STIP1: variants seen among roughly 807,000 people sequenced by gnomAD.
STIP1 encodes stress-induced-phosphoprotein 1.
STIP1 carries 16 observed loss-of-function variants against 77.4 expected under a neutral mutation model. That is an observed-to-expected ratio of 0.21 (90% CI 0.14 to 0.31). STIP1 has a LOEUF of 0.31. Among genes scored for constraint, STIP1 ranks in the 10% least tolerant of loss-of-function variants. The pLI is 1.00. For missense variants in STIP1, 524 were observed against 684.8 expected, an observed-to-expected ratio of 0.77 and a Z score of 2.62; for synonymous variants, 258 against 246.6, an observed-to-expected ratio of 1.05 and a Z score of -0.44.
chr11:64,195,516 T>A, intron 4 of STIP1, 129 bp from the exon 5 acceptor site: 1 of 891,958 alleles, frequency 1.1e-6, no homozygotes, highest in Non-Finnish European at 1.7e-6. Context: ...GTGCAAAATC[T>A]AGCCATCTTT....
chr11:64,189,872 T>A (rs931706155), intron 1 of STIP1, among the ~76,000 whole-genome samples: 1 of 152,104 alleles, frequency 6.6e-6, no homozygotes, highest in Non-Finnish European at 1.5e-5. Context: ...CTGGCCTCCA[T>A]CTTGGGCTCT....
rs746434111 is a variant in STIP1, at chr11:64,194,298, A to G, written c.329A>G (p.Glu110Gly). 2 of 1,614,168 alleles carry G rather than the reference A, an allele frequency of 1.2e-6. No individual in the cohort carries two copies. Among genetic ancestry groups the G allele is most frequent in the East Asian group, 2.2e-5 (1 of 44,886 alleles). ...GAGGCAAATAACCCTCAACTGAAAG[A>G]GGGTTTACAGAATATGGAGGCCAGG... ...KHEANNPQLKEGLQNMEARLA... is the reference protein window; with the variant it reads ...KHEANNPQLKGGLQNMEARLA... Residue 110 changes from glutamate (E) to glycine (G), a missense_variant, in exon 3 of 14, where the codon GAG (glutamate) becomes GGG (glycine). By Grantham distance (98) the Glu-to-Gly change is moderately conservative. Coordinates refer to ENST00000305218, the MANE Select transcript of STIP1 (RefSeq NM_006819.3).
intron 1 of STIP1, among the ~76,000 whole-genome samples, chr11:64,192,641 G>A (rs1260782639): frequency 3.3e-5 from 5 of 152,200 alleles, no homozygotes; most frequent in Admixed American, 3.3e-4. Flanking sequence ...CAGCCTTTGG[G>A]TCACTGGAGC....
Position 64,204,340 on chromosome 11 carries a change from G to A in STIP1, c.*214G>A, listed in dbSNP as rs376874769. On this transcript the variant is annotated 3_prime_UTR_variant, in exon 14 of 14. Transcript: ENST00000305218. Reference sequence around the variant, plus strand: ...CCAGCACACGCATGGTCTCTTCACCGCTGCCCTCGAGTTCCATGTCTCTTT... The same window carrying A: ...CCAGCACACGCATGGTCTCTTCACCACTGCCCTCGAGTTCCATGTCTCTTT... The A allele has an allele frequency of 1.2e-4, 66 of 536,588 alleles. No individual in the cohort carries two copies. The highest frequency in any genetic ancestry group is 6.0e-4 in the East Asian group (19 of 31,462). The allele number at this position is 536,588 out of a possible 1,614,324, so 33.2% of individuals were successfully genotyped here. A position where few individuals can be genotyped will look rare whatever the true frequency, so the allele number is the denominator to read the frequency against.
At chr11:64,188,004 C>T (rs1216523008) in intron 1 of STIP1, among the ~76,000 whole-genome samples, 3 of 147,206 alleles carry the variant, frequency 2.0e-5, no homozygotes, top group South Asian at 4.5e-4. Context: ...CTCCGTCTCC[C>T]TCCAGCCTGG....
chr11:64,203,269 T>C lies in STIP1; in HGVS notation c.1386+41T>C, dbSNP rs558857431. ...GCCTCCAGGGGCCCCCCCTGCCTCT[T>C]TCTCTGTTGGGGCTTTTCCATGTTC... On this transcript the variant is annotated intron_variant, in intron 12 of 13. Coordinates refer to ENST00000305218, the MANE Select transcript of STIP1 (RefSeq NM_006819.3). 308 of 1,606,806 alleles carry C rather than the reference T, an allele frequency of 1.9e-4. 2 individuals carry two copies. The South Asian group carries it at 2.6e-3, about 13-fold the overall frequency.
At chr11:64,197,211 G>A in intron 5 of STIP1, 60 bp from the exon 6 acceptor site, 1 of 1,602,950 alleles carries the variant, frequency 6.2e-7, no homozygotes, top group South Asian at 1.1e-5. Context: ...ACAGATCATA[G>A]ATTCTTGCTT....
At chr11:64,185,926 C>G (rs1291652721), upstream of STIP1, 1 of 1,536,368 alleles carries the variant, frequency 6.5e-7, no homozygotes, top group Admixed American at 2.0e-5. Context: ...AAAGACCAAT[C>G]CGTGTCGCAG....
intron 1 of STIP1, among the ~76,000 whole-genome samples, chr11:64,191,437 C>A (rs961411385): frequency 2.8e-5 from 4 of 141,050 alleles, no homozygotes; most frequent in African/African-American, 1.3e-4. Context: ...GAAACTCCAT[C>A]TCTACTAAAA....
upstream of STIP1, chr11:64,185,645 C>A (rs916651562): frequency 9.8e-6 from 8 of 814,192 alleles, 1 homozygote; most frequent in Non-Finnish European, 1.5e-5. Context: ...GAAAGCAACC[C>A]AGAGGCCCCG....
intron 1 of STIP1, chr11:64,186,641 C>T (rs1421942578): frequency 2.4e-5 from 3 of 123,494 alleles, no homozygotes; most frequent in Non-Finnish European, 3.5e-5. Context: ...GGAGGTGGGC[C>T]GGGGGCCGGG....
chr11:64,186,341 GGGC>G, intron 1 of STIP1, 71 bp downstream of exon 1: 3 of 1,281,892 alleles, frequency 2.3e-6, no homozygotes, highest in Admixed American at 2.7e-5. Context: ...CGCGGTAGGG[GGGC>G]GGGGCGGGCG....
intron 8 of STIP1, 131 bp from the exon 9 acceptor site, chr11:64,199,809 C>T (rs373185478): frequency 4.8e-5 from 43 of 904,686 alleles, no homozygotes; most frequent in Admixed American, 1.5e-4. Context: ...GTGATCCACC[C>T]GCCTCGGCCT....
At chr11:64,186,839 C>G (rs933679387) in intron 1 of STIP1, among the ~76,000 whole-genome samples, 1 of 152,184 alleles carries the variant, frequency 6.6e-6, no homozygotes, top group Non-Finnish European at 1.5e-5. Context: ...CTGAGAAGGT[C>G]AGGGTGGGAG....
chr11:64,199,060 C>T (rs1309707817), intron 8 of STIP1, among the ~76,000 whole-genome samples: 1 of 151,100 alleles, frequency 6.6e-6, no homozygotes, highest in Non-Finnish European at 1.5e-5. Flanking sequence ...ATTAGCTGGG[C>T]GCAGTGGCAG....
At chr11:64,191,309 T>TA (rs1005355563) in intron 1 of STIP1, among the ~76,000 whole-genome samples, 9 of 149,464 alleles carry the variant, frequency 6.0e-5, no homozygotes, top group East Asian at 6.0e-4. Context: ...ATGCCATCTT[T>TA]AAAAAAAAAT....
rs771743229 is a variant in STIP1 at position 64,203,642 on chromosome 11, C to G, written c.1559+20C>G. 3.1e-6 allele frequency: 5 copies of G among 1,613,904 alleles called. No homozygotes were observed. Among genetic ancestry groups the G allele is most frequent in the Non-Finnish European group, 4.2e-6 (5 of 1,180,010 alleles). ...CAGCGAGTACGTAGAGTCAGAGAGGCGGCCTTGCTGGAAATGGAGAACAAA... is the reference window on the plus strand; with the variant it reads ...CAGCGAGTACGTAGAGTCAGAGAGGGGGCCTTGCTGGAAATGGAGAACAAA... On this transcript the variant is annotated intron_variant, in intron 13 of 13. Transcript: ENST00000305218.
chr11:64,189,712 T>C (rs1946069766), intron 1 of STIP1, among the ~76,000 whole-genome samples: 1 of 152,144 alleles, frequency 6.6e-6, no homozygotes, highest in African/African-American at 2.4e-5. Context: ...TCCCATTTGG[T>C]CTCTTAAAAT....
At chr11:64,203,749 T>A in intron 13 of STIP1, 127 bp downstream of exon 13, 1 of 1,310,476 alleles carries the variant, frequency 7.6e-7, no homozygotes, top group Non-Finnish European at 1.1e-6. Context: ...TTCCTAAACT[T>A]AAGGAGATTG....
Sources: allele counts gnomAD v4.1 joint callset (sites outside exome capture counted in the v4.1 genomes callset), GRCh38; gene constraint gnomAD v4.1.1; transcripts MANE v1.5; gene names NCBI Gene and HGNC (gene_info 2026-07-23, HGNC 2026-07-21).